ADGRL2: variants seen among roughly 807,000 people sequenced by gnomAD.
The protein encoded by ADGRL2 is calcium-independent alpha-latrotoxin receptor 2.
ADGRL2 carries 44 observed loss-of-function variants against 157.4 expected under a neutral mutation model. The ratio of observed to expected loss-of-function variants is 0.28; its 90% CI spans 0.22 to 0.36. The LOEUF is 0.36. Among genes scored for constraint, ADGRL2 ranks in the 10% least tolerant of loss-of-function variants. The pLI is 1.00. For synonymous variants in ADGRL2, 585 were observed against 624.7 expected, an observed-to-expected ratio of 0.94 and a Z score of 0.95; for missense variants, 1,510 against 1,768.9, an observed-to-expected ratio of 0.85 and a Z score of 2.63.
intron 3 of ADGRL2, among the ~76,000 whole-genome samples, chr1:81,652,845 A>G (rs1306869064): frequency 6.6e-6 from 1 of 152,168 alleles, no homozygotes; most frequent in African/African-American, 2.4e-5. Context: ...CTTAATGGAC[A>G]TCCTTGAATA....
intron 2 of ADGRL2, among the ~76,000 whole-genome samples, chr1:81,861,178 G>A (rs570058932): frequency 1.1e-3 from 170 of 152,052 alleles, no homozygotes; most frequent in African/African-American, 3.9e-3. Flanking sequence ...CAGCCACCAC[G>A]CTTGGCTAAT....
rs1277531435 is a variant in ADGRL2, at chr1:81,604,787, T to A, written c.-143+23807T>A. Among the ~76,000 whole-genome samples the A allele has an allele frequency of 2.0e-5, 3 of 152,172 alleles. No individual in the cohort carries two copies. In the East Asian group the frequency reaches 5.8e-4, roughly 29 times the overall value. On this transcript the variant is annotated intron_variant, in intron 3 of 24. Coordinates refer to the ADGRL2 transcript ENST00000370721. ...CACATTAGGATTCACCTGAGCCATG[T>A]GTGTTTGGCACTGGAGAGCTCTAGG... is the stretch of plus-strand genomic sequence containing the variant.
intron 1 of ADGRL2, among the ~76,000 whole-genome samples, chr1:81,385,524 G>A (rs1245797472): frequency 1.3e-5 from 2 of 151,882 alleles, no homozygotes; most frequent in South Asian, 2.1e-4. Context: ...TAAACCTGAG[G>A]GTAACTTAGG....
intron 2 of ADGRL2, among the ~76,000 whole-genome samples, chr1:81,578,991 A>G (rs944216177): frequency 2.0e-5 from 3 of 152,150 alleles, no homozygotes; most frequent in Non-Finnish European, 2.9e-5. Flanking sequence ...CTTTTCCCCA[A>G]ACACTCATTC....
rs550297722 is a variant in ADGRL2, at chr1:81,993,726, A to G, written c.*2581A>G. ...TAAACTACTGACTGTTTTAATGCAG[A>G]TGCGTTATTGTATTTATTAACCCAG... On this transcript the variant is annotated 3_prime_UTR_variant, in exon 24 of 24. Transcript: ENST00000686636. 6.6e-6 allele frequency among the ~76,000 whole-genome samples: 1 copy of G among 152,254 alleles called. No individual in the cohort carries two copies. The highest frequency in any genetic ancestry group is 1.5e-5 in the Non-Finnish European group (1 of 68,030).
chr1:81,497,527 A>G (rs537755827), intron 2 of ADGRL2, among the ~76,000 whole-genome samples: 4 of 152,236 alleles, frequency 2.6e-5, no homozygotes, highest in Admixed American at 6.5e-5. Context: ...ATAATAATCT[A>G]TAAATCTAAG....
intron 2 of ADGRL2, among the ~76,000 whole-genome samples, chr1:81,563,468 A>G (rs965427575): frequency 2.0e-5 from 3 of 152,212 alleles, no homozygotes; most frequent in African/African-American, 7.2e-5. Context: ...AGACAAAGAA[A>G]ACTGAAGTTC....
At chr1:81,656,134 GGA>G (rs1338349421) in intron 3 of ADGRL2, among the ~76,000 whole-genome samples, 1 of 152,184 alleles carries the variant, frequency 6.6e-6, no homozygotes, top group Non-Finnish European at 1.5e-5. Context: ...CTTTGTGGGA[GGA>G]GAGAGTCTTA....
chr1:81,734,896 G>C (rs970718428), intron 1 of ADGRL2, among the ~76,000 whole-genome samples: 1 of 144,610 alleles, frequency 6.9e-6, no homozygotes, highest in African/African-American at 2.5e-5. Flanking sequence ...AGCCAGGCAT[G>C]GTGGTGCATG....
intron 2 of ADGRL2, among the ~76,000 whole-genome samples, chr1:81,459,350 C>T (rs2077873903): frequency 6.6e-6 from 1 of 152,060 alleles, no homozygotes; most frequent in Admixed American, 6.5e-5. Context: ...CCAAACCCTG[C>T]CAACCACCAT....
intron 2 of ADGRL2, among the ~76,000 whole-genome samples, chr1:81,539,593 A>G (rs187503444): frequency 3.3e-5 from 5 of 152,306 alleles, no homozygotes; most frequent in South Asian, 2.1e-4. Context: ...TTAGGCTGCT[A>G]TAATAAAGGA....
intron 1 of ADGRL2, among the ~76,000 whole-genome samples, chr1:81,382,944 A>G (rs1239114001): frequency 1.3e-5 from 2 of 152,144 alleles, no homozygotes; most frequent in Non-Finnish European, 2.9e-5. Flanking sequence ...AGATCTCCCT[A>G]ATTGTTTTAC....
At chr1:81,807,428 C>T (rs2089303787) in intron 1 of ADGRL2, among the ~76,000 whole-genome samples, 1 of 151,942 alleles carries the variant, frequency 6.6e-6, no homozygotes, top group Non-Finnish European at 1.5e-5. Flanking sequence ...TTTAATCACT[C>T]AGATTATTGT....
intron 2 of ADGRL2, among the ~76,000 whole-genome samples, chr1:81,862,813 T>C (rs528586370): frequency 6.6e-5 from 10 of 152,278 alleles, no homozygotes; most frequent in African/African-American, 2.4e-4. Context: ...ATAATAACTG[T>C]TGGAGGAGTG....
intron 2 of ADGRL2, among the ~76,000 whole-genome samples, chr1:81,537,666 A>G (rs1199913144): frequency 1.3e-5 from 2 of 151,240 alleles, no homozygotes; most frequent in Non-Finnish European, 3.0e-5. Context: ...TTCTTATGCT[A>G]GGCCTGTCTT....
At chr1:81,583,731 A>G (rs974177446) in intron 3 of ADGRL2, among the ~76,000 whole-genome samples, 3 of 152,140 alleles carry the variant, frequency 2.0e-5, no homozygotes, top group Non-Finnish European at 4.4e-5. Flanking sequence ...AAGGTTTGCT[A>G]TTTAGATTAA....
rs1287796865 is a variant in ADGRL2, at chr1:81,992,782, A to G, written c.*1637A>G. 1.3e-5 allele frequency among the ~76,000 whole-genome samples: 2 copies of G among 152,018 alleles called. No individual in the cohort carries two copies. The highest frequency in any genetic ancestry group is 2.9e-5 in the Non-Finnish European group (2 of 68,010). ...GAAGTTTCTTAAACATACTTTAAGG[A>G]TTATAAATATCCCTATAGACAGCTG... On this transcript the variant is annotated 3_prime_UTR_variant, in exon 24 of 24. Transcript: ENST00000686636.
At chr1:81,730,552 A>T (rs1301195991) in intron 1 of ADGRL2, among the ~76,000 whole-genome samples, 2 of 152,044 alleles carry the variant, frequency 1.3e-5, no homozygotes, top group Admixed American at 1.3e-4. Flanking sequence ...GTGAAACCCC[A>T]TCTCTACTAA....
chr1:81,924,234 T>C (rs1370924155), intron 3 of ADGRL2, among the ~76,000 whole-genome samples: 1 of 150,590 alleles, frequency 6.6e-6, no homozygotes, highest in Non-Finnish European at 1.5e-5. Flanking sequence ...AAAATAGCAG[T>C]TCCTCAGACT....
Sources: gnomAD v4.1 joint callset for allele counts (sites outside exome capture counted in the v4.1 genomes callset) on GRCh38, gnomAD v4.1.1 for gene constraint, MANE v1.5 for transcripts, NCBI Gene and HGNC (gene_info 2026-07-23, HGNC 2026-07-21) for gene names.